MAP3K5: variants seen among roughly 807,000 people sequenced by gnomAD.
MAP3K5 encodes the protein ASK-1.
MAP3K5 carries 56 observed loss-of-function variants against 158.7 expected under a neutral mutation model. The ratio of observed to expected loss-of-function variants is 0.35; its 90% CI spans 0.28 to 0.44. MAP3K5 has a LOEUF of 0.44. Among genes scored for constraint, MAP3K5 ranks in the 20% least tolerant of loss-of-function variants. The pLI is 1.00. For missense variants in MAP3K5, 1,294 were observed against 1,674.8 expected (o/e 0.77, Z 3.97); for synonymous variants, 579 against 601.7 (o/e 0.96, Z 0.55).
chr6:136,679,557 G>C (rs1241396494), intron 7 of MAP3K5, among the ~76,000 whole-genome samples: 1 of 152,082 alleles, frequency 6.6e-6, no homozygotes, highest in African/African-American at 2.4e-5. Flanking sequence ...CTGCTGGTGG[G>C]GGTATAACCC....
intron 1 of MAP3K5, among the ~76,000 whole-genome samples, chr6:136,785,278 T>C (rs1371408947): frequency 6.6e-6 from 1 of 152,236 alleles, no homozygotes; most frequent in Non-Finnish European, 1.5e-5. Flanking sequence ...TCCAGCAAGA[T>C]GGCATATTAA....
chr6:136,675,049 T>C (rs1186364291), intron 7 of MAP3K5, among the ~76,000 whole-genome samples: 1 of 151,922 alleles, frequency 6.6e-6, no homozygotes, highest in Non-Finnish European at 1.5e-5. Context: ...TCATTATATA[T>C]TAATATCAGA....
chr6:136,566,323 G>A (rs995032314), intron 26 of MAP3K5, among the ~76,000 whole-genome samples: 8 of 152,214 alleles, frequency 5.3e-5, no homozygotes, highest in Non-Finnish European at 8.8e-5. Flanking sequence ...TACTATCTGC[G>A]TAATTCTAAC....
intron 21 of MAP3K5, among the ~76,000 whole-genome samples, chr6:136,596,196 C>G (rs1775623068): frequency 6.6e-6 from 1 of 151,902 alleles, no homozygotes; most frequent in Admixed American, 6.6e-5. Context: ...GAACAGGCAG[C>G]CAAGGAGAAT....
intron 7 of MAP3K5, among the ~76,000 whole-genome samples, chr6:136,674,570 TAAG>T (rs1488968347): frequency 6.6e-6 from 1 of 151,878 alleles, no homozygotes; most frequent in Non-Finnish European, 1.5e-5. Context: ...AAAAAATAAA[TAAG>T]ACAAATAGTC....
At chr6:136,632,529 G>A (rs879760687) in intron 14 of MAP3K5, among the ~76,000 whole-genome samples, 7 of 152,230 alleles carry the variant, frequency 4.6e-5, no homozygotes, top group Non-Finnish European at 8.8e-5. Flanking sequence ...AAAACAAAAA[G>A]GAGCATCAAA....
Position 136,720,557 on chromosome 6 carries a change from G to T in MAP3K5, c.481C>A (p.Arg161=). 2 of 1,612,420 alleles carry T rather than the reference G, an allele frequency of 1.2e-6. No individual in the cohort carries two copies. The highest frequency in any genetic ancestry group is 1.1e-5 in the South Asian group (1 of 90,810). ...AGGTGGTAAAACAAGGACGGCTGCC[G>T]GAAGGCATCGCTCATCTCCACCACC... ...IAVVEMSDAF[R]QPSLFYHLGV... is the part of the protein sequence containing the mutation. The change falls in exon 2 of 30, where the codon CGG becomes AGG. Residue 161 remains arginine, a synonymous_variant. Coordinates refer to ENST00000359015, the MANE Select transcript of MAP3K5 (RefSeq NM_005923.4).
At chr6:136,724,759 T>C (rs117905139) in intron 1 of MAP3K5, among the ~76,000 whole-genome samples, 236 of 152,248 alleles carry the variant, frequency 1.6e-3, no homozygotes, top group Middle Eastern at 3.4e-3. Flanking sequence ...TTCTAAGACA[T>C]TTCTATTCTT....
chr6:136,619,117 G>A lies in MAP3K5; in HGVS notation c.2150+3731C>T, dbSNP rs113992896. Among the ~76,000 whole-genome samples, 107 of 152,292 alleles carry A rather than the reference G, an allele frequency of 7.0e-4. 1 individual carries two copies. Among genetic ancestry groups the A allele is most frequent in the African/African-American group, 2.4e-3 (99 of 41,580 alleles). On this transcript the variant is annotated intron_variant, in intron 15 of 29. Coordinates refer to ENST00000359015, the MANE Select transcript of MAP3K5 (RefSeq NM_005923.4). ...GCACTAAGGATAAAGAGCTGGGACCGGACACAGTGCTTGCATGGGAGGGGG... is the reference window on the plus strand; with the variant it reads ...GCACTAAGGATAAAGAGCTGGGACCAGACACAGTGCTTGCATGGGAGGGGG...
chr6:136,680,071 C>A lies in MAP3K5; in HGVS notation c.1254-10676G>T, dbSNP rs539324262. 4.0e-3 allele frequency among the ~76,000 whole-genome samples: 611 copies of A among 151,958 alleles called. 3 individuals are homozygous for A. The highest frequency in any genetic ancestry group is 0.017 in the Admixed American group (253 of 15,252). ...CTAGCCACACACACACACACACACA[C>A]AAAACCCAAAGCAAATATAATACCA... is the stretch of plus-strand genomic sequence containing the variant. On this transcript the variant is annotated intron_variant, in intron 7 of 29. Transcript: ENST00000359015.
chr6:136,672,691 C>A (rs577224440), intron 7 of MAP3K5, among the ~76,000 whole-genome samples: 2 of 152,012 alleles, frequency 1.3e-5, no homozygotes, highest in Non-Finnish European at 2.9e-5. Flanking sequence ...GGAAAAAAGT[C>A]TTCCCTTTAA....
chr6:136,622,034 C>A (rs1467256343), intron 15 of MAP3K5, among the ~76,000 whole-genome samples: 1 of 149,568 alleles, frequency 6.7e-6, no homozygotes, highest in African/African-American at 2.5e-5. Flanking sequence ...TGCAGTGAGC[C>A]GAGATCGTGC....
rs202108297 is a variant in MAP3K5, at chr6:136,560,515, G to C, written c.3987+1018C>G. ...TCAAAAAAAGTCTATACAGAGCAGA[G>C]AGGAATTAGATTATTACAGGTAAAA... On this transcript the variant is annotated intron_variant, in intron 28 of 29. Coordinates refer to ENST00000359015, the MANE Select transcript of MAP3K5 (RefSeq NM_005923.4). Among the ~76,000 whole-genome samples the C allele has an allele frequency of 1.4e-4, 22 of 152,194 alleles. No homozygotes were observed. The East Asian group carries it at 4.2e-3, about 29-fold the overall frequency.
chr6:136,599,585 C>T (rs376987460), intron 21 of MAP3K5, among the ~76,000 whole-genome samples: 1 of 151,922 alleles, frequency 6.6e-6, no homozygotes, highest in Admixed American at 6.6e-5. Context: ...CTATTTCCTG[C>T]GAACAAAAAC....
intron 3 of MAP3K5, among the ~76,000 whole-genome samples, chr6:136,703,642 G>A (rs1780947197): frequency 6.6e-6 from 1 of 152,210 alleles, no homozygotes. Flanking sequence ...TTAAAACAGT[G>A]CATTGAAGCA....
chr6:136,571,498 A>ATACTATTTGTCTTTTTGTGACTGGCTT (rs1774364650), intron 25 of MAP3K5, among the ~76,000 whole-genome samples: 1 of 152,206 alleles, frequency 6.6e-6, no homozygotes, highest in African/African-American at 2.4e-5. Flanking sequence ...ATGGAATCAT[A>ATACTATTTGTCTTTTTGTGACTGGCTT]TACTATTTGT....
intron 1 of MAP3K5, among the ~76,000 whole-genome samples, chr6:136,743,645 G>A (rs1027371886): frequency 1.3e-5 from 2 of 152,078 alleles, no homozygotes; most frequent in East Asian, 1.9e-4. Flanking sequence ...AAAACTAAAC[G>A]TTTATACTAT....
At chr6:136,631,190 A>T (rs1369858226) in intron 14 of MAP3K5, among the ~76,000 whole-genome samples, 1 of 152,220 alleles carries the variant, frequency 6.6e-6, no homozygotes, top group East Asian at 1.9e-4. Context: ...ACCATTGAAC[A>T]TAAGCTGGTA....
At chr6:136,592,766 T>C in intron 21 of MAP3K5, 152 bp from the exon 22 acceptor site, 3 of 755,654 alleles carry the variant, frequency 4.0e-6, no homozygotes, top group Non-Finnish European at 7.0e-6. Context: ...TCATGTGTTA[T>C]GACTGCCTCC....
Sources: allele counts gnomAD v4.1 joint callset (sites outside exome capture counted in the v4.1 genomes callset), GRCh38; gene constraint gnomAD v4.1.1; transcripts MANE v1.5; gene names NCBI Gene and HGNC (gene_info 2026-07-23, HGNC 2026-07-21).